The following KCNQ1 variants were observed in gnomAD, a reference collection of about 807,000 sequenced individuals.
KCNQ1 encodes potassium voltage-gated channel subfamily KQT member 1.
Under a neutral mutation model 72.4 loss-of-function variants are expected in KCNQ1, and 49 were observed. That is an observed-to-expected ratio of 0.68 (90% CI 0.54 to 0.86). The LOEUF (loss-of-function observed/expected upper bound fraction) is 0.86. Among genes scored for constraint, KCNQ1 ranks in the 40% least tolerant of loss-of-function variants. The pLI is 0.00. For synonymous variants in KCNQ1, 450 were observed against 412.6 expected, an observed-to-expected ratio of 1.09 and a Z score of -1.10; for missense variants, 790 against 945.1, an observed-to-expected ratio of 0.84 and a Z score of 2.15.
intron 11 of KCNQ1, among the ~76,000 whole-genome samples, chr11:2,739,900 G>T (rs2133950790): frequency 6.6e-6 from 1 of 152,352 alleles, no homozygotes; most frequent in South Asian, 2.1e-4. Flanking sequence ...CGGGACAGAG[G>T]CCTCACCAGT....
rs1187969769 is a variant in KCNQ1 at position 2,652,250 on chromosome 11, A to G, written c.1394-9711A>G. ...AATGAGGCCTGCAACTCATTTCCCC[A>G]TTAAACATTCTGAGAACATCTGCAC... On this transcript the variant is annotated intron_variant, in intron 10 of 15. Coordinates refer to ENST00000155840, the MANE Select transcript of KCNQ1 (RefSeq NM_000218.3). The surrounding 1 kb of genome is among the most constrained non-coding windows in gnomAD (Gnocchi z 5.9). 5.0e-6 allele frequency: 2 copies of G among 398,518 alleles called. No homozygotes were observed. The highest frequency in any genetic ancestry group is 1.3e-4 in the South Asian group (1 of 7,862). 24.7% of individuals were successfully genotyped at this position (398,518 alleles called of 1,614,324 possible). A position where few individuals can be genotyped will look rare whatever the true frequency, so the allele number is the denominator to read the frequency against.
At position 2,759,017 on chromosome 11, in the gene KCNQ1, A is replaced by G. The variant is rs1846346230; in HGVS notation, c.1515-9827A>G. ...AAGGCAGAGCCACGCACACTGTACC[A>G]ATGTCAATCTCCTGGCGTTGATCTG... On this transcript the variant is annotated intron_variant, in intron 11 of 15. Coordinates refer to ENST00000155840, the MANE Select transcript of KCNQ1 (RefSeq NM_000218.3). This position sits in a 1 kb window ranked among gnomAD's most constrained non-coding sequence, Gnocchi z 4.4. 6.6e-6 allele frequency among the ~76,000 whole-genome samples: 1 copy of G among 152,048 alleles called. No homozygotes were observed. Among genetic ancestry groups the G allele is most frequent in the Admixed American group, 6.5e-5 (1 of 15,288 alleles).
chr11:2,679,818 A>G lies in KCNQ1; in HGVS notation c.1514+17737A>G, dbSNP rs1850358399. The G allele has an allele frequency of 2.5e-6, 1 of 398,498 alleles. No homozygotes were observed. The highest frequency in any genetic ancestry group is 2.1e-5 in the African/African-American group (1 of 48,622). 24.7% of individuals were successfully genotyped at this position (398,498 alleles called of 1,614,324 possible). On this transcript the variant is annotated intron_variant, in intron 11 of 15. Coordinates refer to ENST00000155840, the MANE Select transcript of KCNQ1 (RefSeq NM_000218.3). The surrounding 1 kb of genome is among the most constrained non-coding windows in gnomAD (Gnocchi z 4.8). ...GGGCTAGAGGAGCACAAGGGGCCAG[A>G]CTGCTGCTACTTCTGAATTTTATAG...
chr11:2,837,816 G>A (rs759650669), intron 15 of KCNQ1, among the ~76,000 whole-genome samples: 1 of 152,234 alleles, frequency 6.6e-6, no homozygotes, highest in Non-Finnish European at 1.5e-5. Context: ...GCTCTGGGGC[G>A]AGAAGGGCGG....
chr11:2,614,322 C>T, intron 10 of KCNQ1: 1 of 398,560 alleles, frequency 2.5e-6, no homozygotes, highest in Non-Finnish European at 4.4e-6. Flanking sequence ...ATAATTCTGT[C>T]TGTGCTGCTT....
intron 15 of KCNQ1, among the ~76,000 whole-genome samples, chr11:2,831,404 A>C (rs191035058): frequency 6.6e-6 from 1 of 152,182 alleles, no homozygotes; most frequent in African/African-American, 2.4e-5. Context: ...TAGGCCTGGA[A>C]CACTGTGGGG....
In KCNQ1 at chr11:2,664,930, C is replaced by T. The variant is rs1286435628; in HGVS notation, c.1514+2849C>T. 1 of 398,472 alleles carries T rather than the reference C, an allele frequency of 2.5e-6. No individual in the cohort carries two copies. The allele number at this position is 398,472 out of a possible 1,614,324, so 24.7% of individuals were successfully genotyped here. A position where few individuals can be genotyped will look rare whatever the true frequency, so the allele number is the denominator to read the frequency against. On this transcript the variant is annotated intron_variant, in intron 11 of 15. Transcript: ENST00000155840. This position sits in a 1 kb window ranked among gnomAD's most constrained non-coding sequence, Gnocchi z 5.1. ...CTCGAGCTCTCCCCGCCCGCAGGGC[C>T]CCAGAGAGGTGAGGTCACTATAGCC... is the stretch of plus-strand genomic sequence containing the variant.
chr11:2,787,969 G>A lies in KCNQ1; in HGVS notation c.1794+9932G>A, dbSNP rs1312754159. On this transcript the variant is annotated intron_variant, in intron 15 of 15. Coordinates refer to ENST00000155840, the MANE Select transcript of KCNQ1 (RefSeq NM_000218.3). The surrounding 1 kb of genome is among the most constrained non-coding windows in gnomAD (Gnocchi z 6.3). ...ACAGATTCAGCTATGGGACAGCGCT[G>A]CTTTGGACGGGCATGGCCGTGCGCG... 6.6e-6 allele frequency among the ~76,000 whole-genome samples: 1 copy of A among 152,204 alleles called. No individual in the cohort carries two copies. The highest frequency in any genetic ancestry group is 1.5e-5 in the Non-Finnish European group (1 of 68,028).
At chr11:2,696,524 A>G (rs576805813) in intron 11 of KCNQ1, 12 of 398,612 alleles carry the variant, frequency 3.0e-5, no homozygotes, top group South Asian at 2.5e-4. Flanking sequence ...CTCCTTTTCA[A>G]AAGTTCAGTT....
intron 11 of KCNQ1, among the ~76,000 whole-genome samples, chr11:2,716,306 C>T (rs1351174439): frequency 1.3e-5 from 2 of 152,138 alleles, no homozygotes; most frequent in African/African-American, 2.4e-5. Flanking sequence ...CCCTCTGCAT[C>T]AGATGTGCTG....
intron 15 of KCNQ1, among the ~76,000 whole-genome samples, chr11:2,788,104 G>C (rs1029599147): frequency 2.0e-5 from 3 of 152,068 alleles, no homozygotes; most frequent in African/African-American, 7.3e-5. Context: ...GGGACCATAC[G>C]GGAGAGCACA....
chr11:2,594,601 CT>C lies in KCNQ1; in HGVS notation c.1393+5748del, dbSNP rs563102362. 2.6e-3 allele frequency among the ~76,000 whole-genome samples: 403 copies of C among 152,314 alleles called. 5 individuals are homozygous for C. In the Middle Eastern group the frequency reaches 0.044, roughly 17 times the overall value. ...ATAGATTTTCTATCTCTGTCTCCCT[CT>C]GCTTCATTCACAGAATTTTCTATGC... is the stretch of plus-strand genomic sequence containing the variant. On this transcript the variant is annotated intron_variant, in intron 10 of 15. Coordinates refer to ENST00000155840, the MANE Select transcript of KCNQ1 (RefSeq NM_000218.3).
intron 10 of KCNQ1, chr11:2,640,898 G>C (rs1206042660): frequency 2.5e-6 from 1 of 399,190 alleles, no homozygotes; most frequent in African/African-American, 2.1e-5. Context: ...AACTTTTATA[G>C]CTCCCACATA....
In KCNQ1 at chr11:2,698,926, G is replaced by C. The variant is rs1439744302; in HGVS notation, c.1514+36845G>C. ...ACTCCCAGCCAGGATGTGGACCCTA[G>C]ACCCGAATTCTGATCCCAACTAGGA... On this transcript the variant is annotated intron_variant, in intron 11 of 15. Transcript: ENST00000155840. The surrounding 1 kb of genome is among the most constrained non-coding windows in gnomAD (Gnocchi z 5.1). 2.5e-6 allele frequency: 1 copy of C among 398,512 alleles called. No homozygotes were observed. Among genetic ancestry groups the C allele is most frequent in the African/African-American group, 2.1e-5 (1 of 48,596 alleles). The allele number at this position is 398,512 out of a possible 1,614,324, so 24.7% of individuals were successfully genotyped here.
Position 2,488,549 on chromosome 11 carries a change from G to A in KCNQ1, c.387-39379G>A, listed in dbSNP as rs1846779882. 6.6e-6 allele frequency among the ~76,000 whole-genome samples: 1 copy of A among 152,140 alleles called. No individual in the cohort carries two copies. ...TCCTCACTAGTTATAGGTCCATGAAGATTTTGTATTTCTTTGTGATTTAGT... is the reference window on the plus strand; with the variant it reads ...TCCTCACTAGTTATAGGTCCATGAAAATTTTGTATTTCTTTGTGATTTAGT... On this transcript the variant is annotated intron_variant, in intron 1 of 15. Coordinates refer to ENST00000155840, the MANE Select transcript of KCNQ1 (RefSeq NM_000218.3). This position sits in a 1 kb window ranked among gnomAD's most constrained non-coding sequence, Gnocchi z 5.1.
At chr11:2,819,944 C>T (rs914904860) in intron 15 of KCNQ1, among the ~76,000 whole-genome samples, 4 of 152,202 alleles carry the variant, frequency 2.6e-5, no homozygotes, top group Admixed American at 1.3e-4. Flanking sequence ...TCAATTCCCT[C>T]GGTAGCAGTA....
At chr11:2,665,285 A>G (rs1850046101) in intron 11 of KCNQ1, 1 of 398,492 alleles carries the variant, frequency 2.5e-6, no homozygotes. Context: ...TCTCCCACCC[A>G]GAACCATATG....
Position 2,745,844 on chromosome 11 carries a change from C to T in KCNQ1, c.1515-23000C>T, listed in dbSNP as rs1429712460. Among the ~76,000 whole-genome samples, 1 of 152,220 alleles carries T rather than the reference C, an allele frequency of 6.6e-6. No individual in the cohort carries two copies. The highest frequency in any genetic ancestry group is 1.5e-5 in the Non-Finnish European group (1 of 68,042). On this transcript the variant is annotated intron_variant, in intron 11 of 15. Coordinates refer to ENST00000155840, the MANE Select transcript of KCNQ1 (RefSeq NM_000218.3). The surrounding 1 kb of genome is among the most constrained non-coding windows in gnomAD (Gnocchi z 6.2). ...AGCAGGCGGCAGCAGCAAGGCAGCT[C>T]ATCCTCGGCTGCCTCTTCTCCCTCA...
intron 6 of KCNQ1, 48 bp from the exon 7 acceptor site, chr11:2,583,387 C>G: frequency 7.2e-7 from 1 of 1,388,686 alleles, no homozygotes; most frequent in Non-Finnish European, 1.0e-6. Flanking sequence ...TTGGCCCTCC[C>G]GAGGCTCCAG....
Sources: gnomAD v4.1 joint callset for allele counts (sites outside exome capture counted in the v4.1 genomes callset) on GRCh38, gnomAD v4.1.1 for gene constraint, Gnocchi (gnomAD v3.1) non-coding constraint, MANE v1.5 for transcripts, NCBI Gene and HGNC (gene_info 2026-07-23, HGNC 2026-07-21) for gene names.